Variants in PCCB observed in about 807,000 individuals in gnomAD.
The protein encoded by PCCB is propionyl-CoA carboxylase beta chain, mitochondrial.
PCCB carries 43 observed loss-of-function variants against 60.7 expected under a neutral mutation model. The ratio of observed to expected loss-of-function variants is 0.71; its 90% CI spans 0.55 to 0.91. PCCB has a LOEUF of 0.91. Ranked by LOEUF, PCCB falls within the 40% of genes least tolerant of loss-of-function variation. PCCB has a pLI of 0.00. For synonymous variants in PCCB, 276 were observed against 255.9 expected, an observed-to-expected ratio of 1.08 and a Z score of -0.75; for missense variants, 766 against 702.8, an observed-to-expected ratio of 1.09 and a Z score of -1.02.
intron 5 of PCCB, among the ~76,000 whole-genome samples, chr3:136,264,024 AAAATT>A (rs549426849): frequency 5.3e-5 from 8 of 152,188 alleles, no homozygotes; most frequent in Non-Finnish European, 1.0e-4. Flanking sequence ...AAAAAAAAAA[AAAATT>A]CAAACTTCAC....
chr3:136,281,504 T>TTGATTTCC (rs1942474260), intron 5 of PCCB, among the ~76,000 whole-genome samples: 2 of 152,124 alleles, frequency 1.3e-5, no homozygotes, highest in African/African-American at 2.4e-5. Context: ...TGTTCAGACA[T>TTGATTTCC]TGATTTCCTG....
chr3:136,270,567 G>A (rs770454489), intron 5 of PCCB, among the ~76,000 whole-genome samples: 1 of 151,956 alleles, frequency 6.6e-6, no homozygotes, highest in African/African-American at 2.4e-5. Context: ...GTACAATGGC[G>A]CGATCTCGGC....
At chr3:136,254,100 AAAT>A (rs1475967767) in intron 1 of PCCB, among the ~76,000 whole-genome samples, 2 of 151,912 alleles carry the variant, frequency 1.3e-5, no homozygotes, top group African/African-American at 2.4e-5. Flanking sequence ...CCTAAGGGGG[AAAT>A]AATAGCCAAT....
At chr3:136,258,829 C>T (rs1178336735) in intron 3 of PCCB, among the ~76,000 whole-genome samples, 1 of 152,002 alleles carries the variant, frequency 6.6e-6, no homozygotes, top group Non-Finnish European at 1.5e-5. Flanking sequence ...CTGTTAGTCT[C>T]TGTTTTCAGC....
chr3:136,264,270 A>C (rs1941908424), intron 5 of PCCB, among the ~76,000 whole-genome samples: 1 of 151,952 alleles, frequency 6.6e-6, no homozygotes, highest in South Asian at 2.1e-4. Context: ...AATAACCAGA[A>C]TACAGTAATA....
intron 5 of PCCB, among the ~76,000 whole-genome samples, chr3:136,278,411 T>A (rs530985781): frequency 8.1e-4 from 124 of 152,304 alleles, no homozygotes; most frequent in African/African-American, 2.7e-3. Context: ...AGAGTCACCA[T>A]GTGATTCTCA....
chr3:136,310,570 C>A (rs1330145311), intron 9 of PCCB, among the ~76,000 whole-genome samples: 1 of 152,104 alleles, frequency 6.6e-6, no homozygotes, highest in Non-Finnish European at 1.5e-5. Context: ...ATTTCTGAGA[C>A]CTTTAAGGGC....
At chr3:136,278,089 G>T (rs968289903) in intron 5 of PCCB, among the ~76,000 whole-genome samples, 9 of 152,190 alleles carry the variant, frequency 5.9e-5, no homozygotes, top group Non-Finnish European at 1.3e-4. Context: ...GTACAATAAA[G>T]AATGGCTTAC....
chr3:136,266,206 G>T lies in PCCB; in HGVS notation c.543+4141G>T, dbSNP rs1356162420. On this transcript the variant is annotated intron_variant, in intron 5 of 14. Coordinates refer to ENST00000251654, the MANE Select transcript of PCCB (RefSeq NM_000532.5). The stretch of plus-strand genomic sequence containing the variant: ...TGCTATGGTGCAGTCTGGGCTCACT[G>T]TAACCTCTGCCTCCCAGGTTCAAGT... Among the ~76,000 whole-genome samples the T allele has an allele frequency of 1.2e-4, 18 of 150,044 alleles. No homozygotes were observed. The South Asian group carries it at 3.1e-3, about 26-fold the overall frequency.
chr3:136,267,986 G>A (rs1942053692), intron 5 of PCCB, among the ~76,000 whole-genome samples: 1 of 120,472 alleles, frequency 8.3e-6, no homozygotes, highest in African/African-American at 3.3e-5. Context: ...CACTCTTGTC[G>A]CCCAGGATGG....
chr3:136,297,945 C>T lies in PCCB; in HGVS notation c.764-7C>T. ...GACTCAATCATATATGCTCCCTGTT[C>T]TCTTAGGTGTGGCCCACAGAGCTTT... On this transcript the variant is annotated splice_region_variant and splice_polypyrimidine_tract_variant and intron_variant, in intron 7 of 14. Coordinates refer to ENST00000251654, the MANE Select transcript of PCCB (RefSeq NM_000532.5). 6.2e-7 allele frequency: 1 copy of T among 1,614,090 alleles called. No homozygotes were observed. The highest frequency in any genetic ancestry group is 8.5e-7 in the Non-Finnish European group (1 of 1,179,964).
rs138407934 is a variant in PCCB at position 136,285,344 on chromosome 3, C to G, written c.654+1397C>G. 1.2e-4 allele frequency among the ~76,000 whole-genome samples: 19 copies of G among 152,178 alleles called. No individual in the cohort carries two copies. In the East Asian group the frequency reaches 3.7e-3, roughly 29 times the overall value. The stretch of plus-strand genomic sequence containing the variant: ...CCTTCTTCAGGACCCTTATACTGTT[C>G]CTTTTCTCCTTTCTCTTTAGTATCT... On this transcript the variant is annotated intron_variant, in intron 6 of 14. Transcript: ENST00000251654.
Position 136,317,165 on chromosome 3 carries a change from C to G in PCCB, c.1090+101C>G, listed in dbSNP as rs531047779. On this transcript the variant is annotated intron_variant, in intron 10 of 14. Coordinates refer to ENST00000251654, the MANE Select transcript of PCCB (RefSeq NM_000532.5). ...TCTTTTGCCTGTTCTTCAGACATGG[C>G]CTTCCATGACCAGAGGAAAAAATCT... is the stretch of plus-strand genomic sequence containing the variant. 18 of 1,083,336 alleles carry G rather than the reference C, an allele frequency of 1.7e-5. No homozygotes were observed. In the East Asian group the frequency reaches 4.5e-4, roughly 27 times the overall value. The allele number at this position is 1,083,336 out of a possible 1,614,324, so 67.1% of individuals were successfully genotyped here.
chr3:136,252,812 A>G (rs1415946370), intron 1 of PCCB, among the ~76,000 whole-genome samples: 1 of 151,314 alleles, frequency 6.6e-6, no homozygotes, highest in African/African-American at 2.4e-5. Flanking sequence ...CAGTATAAAT[A>G]TATTTTAAAA....
intron 5 of PCCB, among the ~76,000 whole-genome samples, chr3:136,282,113 T>G (rs1013142548): frequency 2.0e-5 from 3 of 152,142 alleles, no homozygotes; most frequent in Admixed American, 6.5e-5. Flanking sequence ...AAAACCAAGA[T>G]GCAAAGGTTC....
At chr3:136,264,224 C>T (rs1941907048) in intron 5 of PCCB, among the ~76,000 whole-genome samples, 1 of 151,934 alleles carries the variant, frequency 6.6e-6, no homozygotes, top group Admixed American at 6.6e-5. Context: ...CTAAGTTCTT[C>T]ATTGGGTATT....
At chr3:136,275,216 A>G (rs543527442) in intron 5 of PCCB, among the ~76,000 whole-genome samples, 2 of 152,088 alleles carry the variant, frequency 1.3e-5, no homozygotes, top group Non-Finnish European at 2.9e-5. Context: ...GTTCTGGTCT[A>G]TTGTTGAAAC....
In PCCB at chr3:136,264,150, T is replaced by G. The variant is rs561028224; in HGVS notation, c.543+2085T>G. Among the ~76,000 whole-genome samples the G allele has an allele frequency of 5.3e-5, 8 of 152,258 alleles. No individual in the cohort carries two copies. In the South Asian group the frequency reaches 1.7e-3, roughly 32 times the overall value. ...TTATTCTCTCTCCATATATACATAT[T>G]TGCATGTTACATTTTTCTGAAATAT... On this transcript the variant is annotated intron_variant, in intron 5 of 14. Transcript: ENST00000251654.
At chr3:136,263,857 C>T (rs935167821) in intron 5 of PCCB, among the ~76,000 whole-genome samples, 1 of 151,970 alleles carries the variant, frequency 6.6e-6, no homozygotes, top group African/African-American at 2.4e-5. Flanking sequence ...ATTAAAAATA[C>T]AAAAATTAGC....
Sources: allele counts gnomAD v4.1 joint callset (sites outside exome capture counted in the v4.1 genomes callset), GRCh38; gene constraint gnomAD v4.1.1; transcripts MANE v1.5; gene names NCBI Gene and HGNC (gene_info 2026-07-23, HGNC 2026-07-21).